Variants in SGK1 observed in about 807,000 individuals in gnomAD.
SGK1 encodes the protein serine/threonine-protein kinase Sgk1.
Under a neutral mutation model 64.2 loss-of-function variants are expected in SGK1, and 26 were observed. The observed-to-expected ratio is 0.40, with a 90% CI of 0.30 to 0.56. SGK1 has a LOEUF of 0.56. SGK1 is among the 20% of genes least tolerant of loss of function. The pLI is 0.38. For synonymous variants in SGK1, 265 were observed against 239.7 expected, an observed-to-expected ratio of 1.11 and a Z score of -0.98; for missense variants, 519 against 645.6, an observed-to-expected ratio of 0.80 and a Z score of 2.12.
chr6:134,296,237 G>A (rs1167868552), intron 1 of SGK1, among the ~76,000 whole-genome samples: 1 of 152,178 alleles, frequency 6.6e-6, no homozygotes, highest in African/African-American at 2.4e-5. Context: ...AGGGAGAGAT[G>A]ATCATTGGAC....
chr6:134,269,924 CTCTT>C (rs1156985880), intron 1 of SGK1, among the ~76,000 whole-genome samples: 1 of 147,114 alleles, frequency 6.8e-6, no homozygotes, highest in Non-Finnish European at 1.5e-5. Flanking sequence ...TTTTCTCTCT[CTCTT>C]TTTTTTTTTT....
chr6:134,273,105 C>T (rs770423409), intron 1 of SGK1, among the ~76,000 whole-genome samples: 1 of 147,974 alleles, frequency 6.8e-6, no homozygotes, highest in Non-Finnish European at 1.5e-5. Context: ...AATAATTATG[C>T]CTACTTTACA....
chr6:134,297,461 A>G, intron 1 of SGK1: 1 of 649,166 alleles, frequency 1.5e-6, no homozygotes, highest in Non-Finnish European at 2.9e-6. Flanking sequence ...TGAGACCCTC[A>G]GTCTCAGCCT....
chr6:134,207,267 T>C, intron 3 of SGK1, 89 bp downstream of exon 3: 1 of 806,958 alleles, frequency 1.2e-6, no homozygotes, highest in South Asian at 1.6e-5. Context: ...AAAAAAATAT[T>C]TCCCCCCAAA....
intron 3 of SGK1, among the ~76,000 whole-genome samples, chr6:134,199,183 G>A (rs1775640953): frequency 6.6e-6 from 1 of 152,144 alleles, no homozygotes; most frequent in Non-Finnish European, 1.5e-5. Context: ...GGGTGAAGAG[G>A]AGCAGAAAAG....
rs1397320523 is a variant in SGK1 at position 134,261,996 on chromosome 6, G to A, written c.222C>T (p.Phe74=). The part of the protein sequence containing the change: ...LCQTCLGEHA[F]QRGVLPQENE... Reference sequence around the variant, plus strand: ...TCTCCTGAGGGAGAACCCCTCTTTGGAAAGCATGTTCACCCAGGCATGTTT... The same window carrying A: ...TCTCCTGAGGGAGAACCCCTCTTTGAAAAGCATGTTCACCCAGGCATGTTT... Residue 74 remains phenylalanine (F), a synonymous_variant, in exon 2 of 14, where the codon TTC becomes TTT. Coordinates refer to ENST00000367858, the MANE Select transcript of SGK1 (RefSeq NM_001143676.3). 6.2e-7 allele frequency: 1 copy of A among 1,613,908 alleles called. No homozygotes were observed. The highest frequency in any genetic ancestry group is 1.7e-5 in the Admixed American group (1 of 60,006).
chr6:134,288,240 T>G (rs919451504), intron 1 of SGK1, among the ~76,000 whole-genome samples: 2 of 152,218 alleles, frequency 1.3e-5, no homozygotes, highest in Non-Finnish European at 2.9e-5. Flanking sequence ...CTTTCCATAC[T>G]TAAACTTCAG....
At chr6:134,207,273 C>G (rs1459446551) in intron 3 of SGK1, 83 bp downstream of exon 3, 2 of 849,012 alleles carry the variant, frequency 2.4e-6, no homozygotes, top group African/African-American at 3.5e-5. Flanking sequence ...ATATTTCCCC[C>G]CAAACCTTGC....
chr6:134,206,086 G>A (rs554563805), intron 3 of SGK1, among the ~76,000 whole-genome samples: 1 of 151,962 alleles, frequency 6.6e-6, no homozygotes, highest in Non-Finnish European at 1.5e-5. Context: ...CTCATAAAGT[G>A]GCATTCTTCT....
intron 1 of SGK1, among the ~76,000 whole-genome samples, chr6:134,310,852 T>G (rs1046327821): frequency 2.4e-4 from 36 of 152,234 alleles, no homozygotes; most frequent in Non-Finnish European, 2.9e-5. Flanking sequence ...CCTCCCAAAA[T>G]GCTGGGATTA....
At chr6:134,228,887 A>C (rs1263389027) in intron 2 of SGK1, among the ~76,000 whole-genome samples, 1 of 133,980 alleles carries the variant, frequency 7.5e-6, no homozygotes, top group African/African-American at 2.9e-5. Context: ...TCTTTCACCC[A>C]GGTGGGACTG....
intron 1 of SGK1, among the ~76,000 whole-genome samples, chr6:134,313,851 A>C (rs922646041): frequency 6.6e-6 from 1 of 152,206 alleles, no homozygotes; most frequent in Non-Finnish European, 1.5e-5. Flanking sequence ...TTTCTAAATC[A>C]TTATGTAAGA....
At chr6:134,206,986 G>A (rs1423634199) in intron 3 of SGK1, among the ~76,000 whole-genome samples, 1 of 152,052 alleles carries the variant, frequency 6.6e-6, no homozygotes, top group Non-Finnish European at 1.5e-5. Context: ...AGCACTTTGG[G>A]AGGCCGAGGC....
At chr6:134,215,057 AG>A (rs768096899) in intron 2 of SGK1, 38 of 456,000 alleles carry the variant, frequency 8.3e-5, no homozygotes, top group Non-Finnish European at 1.4e-4. Flanking sequence ...TATCACATTT[AG>A]GGAGATGTCA....
At chr6:134,317,357 A>T in intron 1 of SGK1, 35 bp downstream of exon 1, 1 of 1,362,620 alleles carries the variant, frequency 7.3e-7, no homozygotes, top group South Asian at 1.2e-5. Flanking sequence ...AGAGAAGCAC[A>T]GAAAACAAAA....
chr6:134,273,454 G>A (rs531436559), intron 1 of SGK1, among the ~76,000 whole-genome samples: 1 of 148,782 alleles, frequency 6.7e-6, no homozygotes, highest in South Asian at 2.2e-4. Context: ...TTAGCCGGGC[G>A]TAGTGGTGGG....
chr6:134,285,863 C>T (rs542418164), intron 1 of SGK1, among the ~76,000 whole-genome samples: 1 of 152,132 alleles, frequency 6.6e-6, no homozygotes, highest in East Asian at 1.9e-4. Context: ...TGCTGGGAAA[C>T]AAATGTTAGG....
chr6:134,205,647 C>T (rs140511872), intron 3 of SGK1, among the ~76,000 whole-genome samples: 4 of 152,254 alleles, frequency 2.6e-5, no homozygotes, highest in Non-Finnish European at 5.9e-5. Flanking sequence ...TTTCTGGCTG[C>T]GAGCTTTGGA....
intron 1 of SGK1, among the ~76,000 whole-genome samples, chr6:134,291,867 C>A (rs1777270350): frequency 6.6e-6 from 1 of 152,104 alleles, no homozygotes; most frequent in Non-Finnish European, 1.5e-5. Flanking sequence ...TCGAGACCAG[C>A]CTGACCAACA....
Sources: allele counts gnomAD v4.1 joint callset (sites outside exome capture counted in the v4.1 genomes callset), GRCh38; gene constraint gnomAD v4.1.1; transcripts MANE v1.5; gene names NCBI Gene and HGNC (gene_info 2026-07-23, HGNC 2026-07-21).